Variants in TESK1 observed in about 807,000 individuals in gnomAD.
TESK1 encodes the protein dual specificity testis-specific protein kinase 1.
A neutral mutation model predicts 59.9 loss-of-function variants in TESK1; 18 were observed. That is an observed-to-expected ratio of 0.30 (90% CI 0.21 to 0.45). The LOEUF (loss-of-function observed/expected upper bound fraction) is 0.45. Ranked by LOEUF, TESK1 falls within the 20% of genes least tolerant of loss-of-function variation. TESK1 has a pLI of 1.00. For synonymous variants in TESK1, 341 were observed against 357.4 expected, an observed-to-expected ratio of 0.95 and a Z score of 0.52; for missense variants, 748 against 840.9, an observed-to-expected ratio of 0.89 and a Z score of 1.37.
rs558164074 is a variant in TESK1, at chr9:35,607,006, G to A, written c.537+23G>A. Reference sequence around the variant, plus strand: ...AAGGTAGGCTAGCAGGGTGGGTGGAGACATGAAAGAGGGTTTGAGGCTATT... The same window carrying A: ...AAGGTAGGCTAGCAGGGTGGGTGGAAACATGAAAGAGGGTTTGAGGCTATT... On this transcript the variant is annotated intron_variant, in intron 4 of 9. Transcript: ENST00000336395. This position sits in a 1 kb window ranked among gnomAD's most constrained non-coding sequence, Gnocchi z 4.5. The A allele has an allele frequency of 1.9e-6, 3 of 1,559,632 alleles. No individual in the cohort carries two copies. The highest frequency in any genetic ancestry group is 4.6e-5 in the East Asian group (2 of 43,846).
chr9:35,605,635 C>A lies in TESK1; in HGVS notation c.16C>A (p.Pro6Thr). ...GGGCCCGGCCATGGCCGGGGAACGGCCCCCACTGCGGGGCCCTGGGCCCGG... is the reference window on the plus strand; with the variant it reads ...GGGCCCGGCCATGGCCGGGGAACGGACCCCACTGCGGGGCCCTGGGCCCGG... MAGER[P>T]PLRGPGPGPG... The change falls in exon 1 of 10, where the codon CCC (proline) becomes ACC (threonine). Residue 6 changes from proline (P) to threonine (T), a missense_variant. Around this residue, in one of 3 missense-constraint regions of TESK1, gnomAD observed 133 missense variants for 117.4 expected, o/e 1.13. Transcript: ENST00000336395. 1 of 1,194,358 alleles carries A rather than the reference C, an allele frequency of 8.4e-7. No individual in the cohort carries two copies. The allele number at this position is 1,194,358 out of a possible 1,614,324, so 74.0% of individuals were successfully genotyped here. A position where few individuals can be genotyped will look rare whatever the true frequency, so the allele number is the denominator to read the frequency against.
In TESK1 at chr9:35,607,721, GT is replaced by G; in HGVS notation, c.711+50del. On this transcript the variant is annotated intron_variant, in intron 6 of 9. Coordinates refer to ENST00000336395, the MANE Select transcript of TESK1 (RefSeq NM_006285.3). The surrounding 1 kb of genome is among the most constrained non-coding windows in gnomAD (Gnocchi z 4.5). ...CCCAAGGCCTTCCGAGACCCTTGAG[GT>G]ATTCTCATAAAGCCCCATCCATCCC... The G allele has an allele frequency of 6.5e-7, 1 of 1,529,124 alleles. No individual in the cohort carries two copies. 94.7% of individuals were successfully genotyped at this position (1,529,124 alleles called of 1,614,324 possible).
intron 9 of TESK1, 72 bp downstream of exon 9, chr9:35,608,581 G>C (rs1443210291): frequency 7.9e-6 from 11 of 1,393,274 alleles, no homozygotes; most frequent in Non-Finnish European, 1.1e-5. Flanking sequence ...GAGGTGACAT[G>C]GGGGAGGCTA....
intron 1 of TESK1, 72 bp from the exon 2 acceptor site, chr9:35,605,912 G>A: frequency 6.2e-7 from 1 of 1,606,876 alleles, no homozygotes; most frequent in African/African-American, 1.3e-5. Context: ...GGCCGGGAGT[G>A]CGGGGAAGAG....
rs1822927574 is a variant in TESK1, at chr9:35,609,374, C to T, written c.1513C>T (p.Pro505Ser). Reference sequence around the variant, plus strand: ...CAGCACCTGTTCCTCGGCCTCCCAACCCTGGTCCCCTAGATCAGGACCCGT... The same window carrying T: ...CAGCACCTGTTCCTCGGCCTCCCAATCCTGGTCCCCTAGATCAGGACCCGT... The part of the protein sequence containing the change: ...FISTCSSASQ[P>S]WSPRSGPVLN... Residue 505 changes from proline (P) to serine (S), a missense_variant, in exon 10 of 10, where the codon CCC (proline) becomes TCC (serine). Around this residue, in one of 3 missense-constraint regions of TESK1, gnomAD observed 447 missense variants for 466.1 expected, o/e 0.96. Coordinates refer to ENST00000336395, the MANE Select transcript of TESK1 (RefSeq NM_006285.3). The surrounding 1 kb of genome is among the most constrained non-coding windows in gnomAD (Gnocchi z 6.7). The T allele has an allele frequency of 6.2e-7, 1 of 1,611,672 alleles. No individual in the cohort carries two copies. Among genetic ancestry groups the T allele is most frequent in the African/African-American group, 1.3e-5 (1 of 74,920 alleles).
chr9:35,610,029 C>T lies in TESK1; in HGVS notation c.*287C>T, dbSNP rs1481165252. ...AACTGCCTGGCTGGCTCCGGGCCGC[C>T]CCTATCCGCTCAGCCCGTGCGCCCT... is the stretch of plus-strand genomic sequence containing the variant. On this transcript the variant is annotated 3_prime_UTR_variant, in exon 10 of 10. Coordinates refer to ENST00000336395, the MANE Select transcript of TESK1 (RefSeq NM_006285.3). 2 of 386,900 alleles carry T rather than the reference C, an allele frequency of 5.2e-6. No individual in the cohort carries two copies. Among genetic ancestry groups the T allele is most frequent in the Non-Finnish European group, 9.3e-6 (2 of 216,050 alleles). 24.0% of individuals were successfully genotyped at this position (386,900 alleles called of 1,614,324 possible).
In TESK1 at chr9:35,609,695, G is replaced by A. The variant is rs769669483; in HGVS notation, c.1834G>A (p.Ala612Thr). Residue 612 changes from alanine (A) to threonine (T), a missense_variant, in exon 10 of 10, where the codon GCC becomes ACC. By Grantham distance (58) the Ala-to-Thr change is moderately conservative. Coordinates refer to ENST00000336395, the MANE Select transcript of TESK1 (RefSeq NM_006285.3). This position sits in a 1 kb window ranked among gnomAD's most constrained non-coding sequence, Gnocchi z 6.7. ...TCTCCTCTGCCACCGAGGGCACCAC[G>A]CCAAGCCACCCACACCCAGCCTGCA... is the stretch of plus-strand genomic sequence containing the variant. ...GSLLCHRGHH[A>T]KPPTPSLQLP... 14 of 1,600,864 alleles carry A rather than the reference G, an allele frequency of 8.7e-6. No individual in the cohort carries two copies. Among genetic ancestry groups the A allele is most frequent in the Admixed American group, 5.0e-5 (3 of 59,896 alleles).
Position 35,609,200 on chromosome 9 carries a change from C to T in TESK1, c.1339C>T (p.Arg447Cys), listed in dbSNP as rs376809726. ...ACCCTCATCCCCCGAGCTCCCCCGC[C>T]GTATGGAGACAGCACTGCCAGGTCC... Reference protein sequence around the residue: ...SLPSSPELPRRMETALPGPGP... With the variant: ...SLPSSPELPRCMETALPGPGP... Residue 447 changes from arginine (R) to cysteine (C), a missense_variant, in exon 10 of 10, where the codon CGT becomes TGT. By Grantham distance (180) the Arg-to-Cys change is radical. This residue lies in a region of TESK1 where 447 missense variants were observed against 466.1 expected (regional missense o/e 0.96). Transcript: ENST00000336395. The surrounding 1 kb of genome is among the most constrained non-coding windows in gnomAD (Gnocchi z 6.7). The T allele has an allele frequency of 2.9e-5, 46 of 1,613,812 alleles. No homozygotes were observed. In the East Asian group the frequency reaches 5.6e-4, roughly 20 times the overall value.
In TESK1 at chr9:35,605,529, A is replaced by C; in HGVS notation, c.-91A>C. 3.3e-5 allele frequency: 10 copies of C among 303,650 alleles called. No homozygotes were observed. Among genetic ancestry groups the C allele is most frequent in the South Asian group, 1.5e-4 (1 of 6,540 alleles). The allele number at this position is 303,650 out of a possible 1,614,324, so 18.8% of individuals were successfully genotyped here. A position where few individuals can be genotyped will look rare whatever the true frequency, so the allele number is the denominator to read the frequency against. ...GGGAGCCGGAGTCCGGGCGCCCGGG[A>C]TCGGGCTGGGCCCGCGCCCATGGCA... On this transcript the variant is annotated 5_prime_UTR_variant, in exon 1 of 10. Transcript: ENST00000336395.
Position 35,607,850 on chromosome 9 carries a change from A to G in TESK1, c.712-78A>G. 6.5e-7 allele frequency: 1 copy of G among 1,543,060 alleles called. No individual in the cohort carries two copies. The highest frequency in any genetic ancestry group is 1.1e-5 in the South Asian group (1 of 87,822). Reference sequence around the variant, plus strand: ...CTGTCAAGATCCCCCACCCTCAACCAAATTCTGCTATATTCTGTCAAAATT... The same window carrying G: ...CTGTCAAGATCCCCCACCCTCAACCGAATTCTGCTATATTCTGTCAAAATT... On this transcript the variant is annotated intron_variant, in intron 6 of 9. Transcript: ENST00000336395. This position sits in a 1 kb window ranked among gnomAD's most constrained non-coding sequence, Gnocchi z 4.5.
rs878930124 is a variant in TESK1 at position 35,607,241 on chromosome 9, G to C, written c.538-86G>C. ...AGCAGAGAGGGTTGGAGTTATGCTGGAGTGACAGGGCTTTGGGTTATACAT... is the reference window on the plus strand; with the variant it reads ...AGCAGAGAGGGTTGGAGTTATGCTGCAGTGACAGGGCTTTGGGTTATACAT... On this transcript the variant is annotated intron_variant, in intron 4 of 9. Coordinates refer to ENST00000336395, the MANE Select transcript of TESK1 (RefSeq NM_006285.3). This position sits in a 1 kb window ranked among gnomAD's most constrained non-coding sequence, Gnocchi z 4.5. 7.8e-6 allele frequency: 12 copies of C among 1,529,886 alleles called. No individual in the cohort carries two copies. The highest frequency in any genetic ancestry group is 1.1e-5 in the Non-Finnish European group (12 of 1,105,738). 94.8% of individuals were successfully genotyped at this position (1,529,886 alleles called of 1,614,324 possible). A position where few individuals can be genotyped will look rare whatever the true frequency, so the allele number is the denominator to read the frequency against.
chr9:35,606,290 G>A lies in TESK1; in HGVS notation c.390+5G>A, dbSNP rs749785257. On this transcript the variant is annotated splice_donor_5th_base_variant and intron_variant, in intron 3 of 9. Coordinates refer to ENST00000336395, the MANE Select transcript of TESK1 (RefSeq NM_006285.3). ...CAGCTGCACGCTCTTACAGAGGTGA[G>A]GATAGGCCAGGAAGGAGGGATCCCC... 3.1e-6 allele frequency: 5 copies of A among 1,613,768 alleles called. No individual in the cohort carries two copies. Among genetic ancestry groups the A allele is most frequent in the Non-Finnish European group, 3.4e-6 (4 of 1,180,012 alleles).
At position 35,609,137 on chromosome 9, in the gene TESK1, G is replaced by C. The variant is rs1481401366; in HGVS notation, c.1276G>C (p.Val426Leu). The C allele has an allele frequency of 6.8e-6, 11 of 1,613,916 alleles. No individual in the cohort carries two copies. The highest frequency in any genetic ancestry group is 2.2e-5 in the East Asian group (1 of 44,880). The change falls in exon 10 of 10, where the codon GTC becomes CTC. Residue 426 changes from valine (V) to leucine (L), a missense_variant. Val to Leu is a conservative substitution (Grantham distance 32). Around this residue, in one of 3 missense-constraint regions of TESK1, gnomAD observed 447 missense variants for 466.1 expected, o/e 0.96. Transcript: ENST00000336395. This position sits in a 1 kb window ranked among gnomAD's most constrained non-coding sequence, Gnocchi z 6.7. Reference protein sequence around the residue: ...LPLVTTPETLVQPGTPARRCR... With the variant: ...LPLVTTPETLLQPGTPARRCR... Reference sequence around the variant, plus strand: ...CTTGGTGACCACTCCGGAGACCCTGGTCCAGCCTGGGACACCTGCCCGCCG... The same window carrying C: ...CTTGGTGACCACTCCGGAGACCCTGCTCCAGCCTGGGACACCTGCCCGCCG...
rs1822913426 is a variant in TESK1, at chr9:35,609,012, G to A, written c.1151G>A (p.Arg384Gln). ...ACTCGAGTCAACCCCTTCTCACTAC[G>A]GGAAGACCTCAGGGGTGGCAAGATC... ...NLTRVNPFSLREDLRGGKIKL... is the reference protein window; with the variant it reads ...NLTRVNPFSLQEDLRGGKIKL... Residue 384 changes from arginine to glutamine, a missense_variant, in exon 10 of 10, where the codon CGG becomes CAG. Coordinates refer to ENST00000336395, the MANE Select transcript of TESK1 (RefSeq NM_006285.3). This position sits in a 1 kb window ranked among gnomAD's most constrained non-coding sequence, Gnocchi z 6.7. 11 of 1,614,146 alleles carry A rather than the reference G, an allele frequency of 6.8e-6. No individual in the cohort carries two copies. The highest frequency in any genetic ancestry group is 8.5e-6 in the Non-Finnish European group (10 of 1,180,030).
chr9:35,608,051 A>AG (rs1279394370), intron 7 of TESK1, 40 bp downstream of exon 7: 2 of 1,611,742 alleles, frequency 1.2e-6, no homozygotes, highest in Non-Finnish European at 1.7e-6. Context: ...ATTCCAGACT[A>AG]GCTGGCTCAT....
At position 35,609,096 on chromosome 9, in the gene TESK1, C is replaced by T. The variant is rs1425230395; in HGVS notation, c.1235C>T (p.Pro412Leu). The change falls in exon 10 of 10, where the codon CCA (proline) becomes CTA (leucine). Residue 412 changes from proline (P) to leucine (L), a missense_variant. Coordinates refer to ENST00000336395, the MANE Select transcript of TESK1 (RefSeq NM_006285.3). The surrounding 1 kb of genome is among the most constrained non-coding windows in gnomAD (Gnocchi z 6.7). ...VLPLVPPSPF[P>L]STQLPLVTTP... ...CCTCTTGTGCCACCATCACCATTCC[C>T]ATCCACTCAGCTGCCCTTGGTGACC... is the stretch of plus-strand genomic sequence containing the variant. 7 of 1,614,188 alleles carry T rather than the reference C, an allele frequency of 4.3e-6. No homozygotes were observed. Among genetic ancestry groups the T allele is most frequent in the Non-Finnish European group, 5.1e-6 (6 of 1,180,032 alleles).
chr9:35,606,825 C>G lies in TESK1; in HGVS notation c.391-12C>G, dbSNP rs1313927655. 3 of 1,593,408 alleles carry G rather than the reference C, an allele frequency of 1.9e-6. No homozygotes were observed. The highest frequency in any genetic ancestry group is 2.6e-6 in the Non-Finnish European group (3 of 1,169,898). On this transcript the variant is annotated splice_polypyrimidine_tract_variant and intron_variant, in intron 3 of 9. Coordinates refer to ENST00000336395, the MANE Select transcript of TESK1 (RefSeq NM_006285.3). ...GTCTGACATCTATTCCCATTCTCCT[C>G]CTATGCACCAGTATATGAATGGGGG...
intron 7 of TESK1, 72 bp downstream of exon 7, chr9:35,608,083 G>A (rs1294163049): frequency 1.2e-6 from 2 of 1,609,736 alleles, no homozygotes. Flanking sequence ...ATTCCCTAGA[G>A]GTTGAGGTTC....
rs201008655 is a variant in TESK1 at position 35,607,308 on chromosome 9, C to T, written c.538-19C>T. On this transcript the variant is annotated intron_variant, in intron 4 of 9. Coordinates refer to ENST00000336395, the MANE Select transcript of TESK1 (RefSeq NM_006285.3). This position sits in a 1 kb window ranked among gnomAD's most constrained non-coding sequence, Gnocchi z 4.5. ...AGAAGGTGATGAGTGCGTGGGGATA[C>T]TATGTGTGTGTGTGTCAGAACTGTC... 2.9e-5 allele frequency: 46 copies of T among 1,613,192 alleles called. No homozygotes were observed. Among genetic ancestry groups the T allele is most frequent in the Admixed American group, 8.3e-5 (5 of 59,992 alleles).
Sources: allele counts gnomAD v4.1 joint callset, GRCh38; gene constraint gnomAD v4.1.1; regional missense constraint gnomAD v4.1.1; non-coding constraint Gnocchi (gnomAD v3.1); transcripts MANE v1.5; gene names NCBI Gene and HGNC (gene_info 2026-07-23, HGNC 2026-07-21).